PTPRT: variants seen among roughly 807,000 people sequenced by gnomAD.
The protein encoded by PTPRT is protein tyrosine phosphatase receptor type T.
A neutral mutation model predicts 176.8 loss-of-function variants in PTPRT; 56 were observed. The ratio of observed to expected loss-of-function variants is 0.32; its 90% confidence interval spans 0.26 to 0.40. The LOEUF is 0.40. Among genes scored for constraint, PTPRT ranks in the 10% least tolerant of loss-of-function variants. The pLI, the probability that PTPRT is intolerant of heterozygous loss-of-function variation, is 1.00. For missense variants in PTPRT, 1,540 were observed against 1,908.2 expected, an observed-to-expected ratio of 0.81 and a Z score of 3.60; for synonymous variants, 783 against 739.0, an observed-to-expected ratio of 1.06 and a Z score of -0.96.
chr20:42,550,694 A>C (rs1333019049), intron 7 of PTPRT, among the ~76,000 whole-genome samples: 2 of 152,104 alleles, frequency 1.3e-5, no homozygotes, highest in Non-Finnish European at 2.9e-5. Flanking sequence ...AGGTAGATCT[A>C]AGTTTTAGAA....
intron 1 of PTPRT, among the ~76,000 whole-genome samples, chr20:43,029,560 C>T (rs1370224615): frequency 1.3e-5 from 2 of 152,182 alleles, no homozygotes; most frequent in African/African-American, 4.8e-5. Context: ...TGTATATGGC[C>T]GTACAGTCTA....
At chr20:42,823,315 C>T (rs2077932639) in intron 2 of PTPRT, among the ~76,000 whole-genome samples, 1 of 152,000 alleles carries the variant, frequency 6.6e-6, no homozygotes, top group Non-Finnish European at 1.5e-5. Flanking sequence ...CATGTTCTCA[C>T]TTATAAGTGG....
At chr20:43,037,871 A>G (rs935462896) in intron 1 of PTPRT, among the ~76,000 whole-genome samples, 2 of 151,994 alleles carry the variant, frequency 1.3e-5, no homozygotes, top group East Asian at 3.9e-4. Context: ...CTTCTGTGGG[A>G]CTCTGCGTGA....
At chr20:42,521,635 C>T (rs6102888) in intron 7 of PTPRT, among the ~76,000 whole-genome samples, 32,753 of 152,010 alleles carry the variant, frequency 0.22, 4,509 homozygotes, top group African/African-American at 0.39. Flanking sequence ...TTGACTGAAA[C>T]TCATTGAGTA....
chr20:42,324,045 C>A (rs1169683739), intron 11 of PTPRT, among the ~76,000 whole-genome samples: 1 of 152,130 alleles, frequency 6.6e-6, no homozygotes, highest in Non-Finnish European at 1.5e-5. Context: ...TAAGACATTT[C>A]CACACAAAAA....
chr20:42,454,953 T>A (rs1164173996), intron 8 of PTPRT, among the ~76,000 whole-genome samples: 1 of 152,148 alleles, frequency 6.6e-6, no homozygotes, highest in Non-Finnish European at 1.5e-5. Context: ...CCCGAAGACA[T>A]CCTTCAAGCA....
intron 1 of PTPRT, among the ~76,000 whole-genome samples, chr20:43,026,307 A>G (rs970856883): frequency 4.6e-5 from 7 of 152,094 alleles, no homozygotes; most frequent in African/African-American, 1.7e-4. Flanking sequence ...TAGTAGAGAC[A>G]GGATTTTACC....
intron 1 of PTPRT, among the ~76,000 whole-genome samples, chr20:43,128,977 T>A (rs984277668): frequency 2.0e-5 from 3 of 152,242 alleles, no homozygotes; most frequent in Non-Finnish European, 4.4e-5. Context: ...AGTACATGCA[T>A]GCGTGTGTAT....
chr20:42,501,827 G>A (rs189431603), intron 7 of PTPRT, among the ~76,000 whole-genome samples: 1 of 151,816 alleles, frequency 6.6e-6, no homozygotes, highest in Non-Finnish European at 1.5e-5. Flanking sequence ...CTTGAATTTT[G>A]TTCTTATGTA....
At chr20:43,076,577 A>G (rs991642864) in intron 1 of PTPRT, among the ~76,000 whole-genome samples, 3 of 152,204 alleles carry the variant, frequency 2.0e-5, no homozygotes, top group Admixed American at 6.5e-5. Context: ...AGTTCCCCAA[A>G]AAAGATTCCA....
rs187159232 is a variant in PTPRT, at chr20:42,396,984, C to A, written c.1561-44699G>T. Among the ~76,000 whole-genome samples, 656 of 152,312 alleles carry A rather than the reference C, an allele frequency of 4.3e-3. 2 individuals carry two copies. The highest frequency in any genetic ancestry group is 6.3e-3 in the Non-Finnish European group (431 of 68,026). On this transcript the variant is annotated intron_variant, in intron 9 of 30. Coordinates refer to ENST00000373187, the MANE Select transcript of PTPRT (RefSeq NM_007050.6). ...TTTCATTGAAAATAAAATGTCCCTCCCACACAGGTGGCCAGTACACCCTGT... is the reference window on the plus strand; with the variant it reads ...TTTCATTGAAAATAAAATGTCCCTCACACACAGGTGGCCAGTACACCCTGT...
chr20:42,745,466 T>A (rs1170370549), intron 6 of PTPRT, among the ~76,000 whole-genome samples: 1 of 152,168 alleles, frequency 6.6e-6, no homozygotes, highest in Non-Finnish European at 1.5e-5. Context: ...ACCCACTAGA[T>A]GTCAGTACCC....
At chr20:42,637,496 C>G (rs956902983) in intron 7 of PTPRT, among the ~76,000 whole-genome samples, 4 of 152,170 alleles carry the variant, frequency 2.6e-5, no homozygotes, top group Non-Finnish European at 5.9e-5. Context: ...AATGGGGTTC[C>G]TGCAGATCTT....
chr20:42,115,921 G>A (rs912488188), intron 21 of PTPRT: 13 of 642,116 alleles, frequency 2.0e-5, no homozygotes, highest in Admixed American at 5.0e-5. Context: ...GGGAAGATGC[G>A]CAGTTCCTCT....
chr20:43,111,540 T>C (rs1257209634), intron 1 of PTPRT, among the ~76,000 whole-genome samples: 1 of 111,474 alleles, frequency 9.0e-6, no homozygotes, highest in East Asian at 2.6e-4. Flanking sequence ...CGAGACTCCG[T>C]CTCAGGAAAA....
At chr20:42,698,418 C>T (rs185622203) in intron 6 of PTPRT, among the ~76,000 whole-genome samples, 55 of 152,276 alleles carry the variant, frequency 3.6e-4, no homozygotes, top group East Asian at 9.6e-4. Flanking sequence ...AAATGGCAAA[C>T]GCCTGGGTCC....
chr20:42,921,921 G>A (rs8120775), intron 1 of PTPRT, among the ~76,000 whole-genome samples: 17 of 152,068 alleles, frequency 1.1e-4, no homozygotes, highest in South Asian at 2.1e-4. Context: ...TCCACACAGC[G>A]TTCTCTCTTG....
chr20:42,999,177 A>C (rs1442614222), intron 1 of PTPRT, among the ~76,000 whole-genome samples: 1 of 152,190 alleles, frequency 6.6e-6, no homozygotes, highest in Non-Finnish European at 1.5e-5. Flanking sequence ...CACATAGGAA[A>C]ATTTCCGCAA....
intron 1 of PTPRT, among the ~76,000 whole-genome samples, chr20:42,964,797 C>A (rs930775027): frequency 6.6e-6 from 1 of 152,034 alleles, no homozygotes; most frequent in Admixed American, 6.6e-5. Context: ...ATTATCTGAC[C>A]ATGAGGCTAA....
Sources: gnomAD v4.1 joint callset for allele counts (sites outside exome capture counted in the v4.1 genomes callset) on GRCh38, gnomAD v4.1.1 for gene constraint, MANE v1.5 for transcripts, NCBI Gene and HGNC (gene_info 2026-07-23, HGNC 2026-07-21) for gene names.